The following PPARA variants were observed in gnomAD, a reference collection of about 807,000 sequenced individuals.
PPARA encodes peroxisome proliferator-activated receptor alpha.
In PPARA, 22 loss-of-function variants were observed where a neutral mutation model predicts 42.2. The observed-to-expected ratio is 0.52, with a 90% CI of 0.37 to 0.74. PPARA has a LOEUF of 0.74. Among genes scored for constraint, PPARA ranks in the 30% least tolerant of loss-of-function variants. PPARA has a pLI of 0.00. For missense variants in PPARA, 465 were observed against 608.2 expected (o/e 0.76, Z 2.48); for synonymous variants, 242 against 239.3 (o/e 1.01, Z -0.10).
intron 3 of PPARA, among the ~76,000 whole-genome samples, chr22:46,181,484 T>C (rs535347763): frequency 1.1e-4 from 17 of 152,154 alleles, no homozygotes; most frequent in African/African-American, 4.1e-4. Context: ...TGAGTGTGCA[T>C]CACAAAGGGC....
Position 46,222,923 on chromosome 22 carries a change from G to A in PPARA, c.711+2909G>A, listed in dbSNP as rs1409184636. Among the ~76,000 whole-genome samples the A allele has an allele frequency of 6.6e-6, 1 of 152,198 alleles. No homozygotes were observed. Among genetic ancestry groups the A allele is most frequent in the Non-Finnish European group, 1.5e-5 (1 of 68,038 alleles). On this transcript the variant is annotated intron_variant, in intron 7 of 8. Coordinates refer to ENST00000407236, the MANE Select transcript of PPARA (RefSeq NM_005036.6). The surrounding 1 kb of genome is among the most constrained non-coding windows in gnomAD (Gnocchi z 5.9). ...GCCTGTGGTCCCAGGTACTTGGGAA[G>A]CTGAGATGGGAGGATGGCTTGAGCC...
At chr22:46,214,186 T>G (rs1345156304) in intron 4 of PPARA, among the ~76,000 whole-genome samples, 3 of 152,178 alleles carry the variant, frequency 2.0e-5, no homozygotes, top group African/African-American at 7.2e-5. Context: ...CGTGGCACTG[T>G]CAGTGCGGGG....
chr22:46,158,618 A>G (rs867580394), intron 2 of PPARA, among the ~76,000 whole-genome samples: 47 of 152,374 alleles, frequency 3.1e-4, no homozygotes, highest in Middle Eastern at 6.8e-3. Context: ...CAGATTGCCA[A>G]TCAAGTGACA....
rs1157137072 is a variant in PPARA at position 46,203,671 on chromosome 22, C to A, written c.208+5080C>A. Among the ~76,000 whole-genome samples, 1 of 152,228 alleles carries A rather than the reference C, an allele frequency of 6.6e-6. No homozygotes were observed. The highest frequency in any genetic ancestry group is 1.5e-5 in the Non-Finnish European group (1 of 68,038). ...ACTCTCAGCAAAGCTAGAGGGGATC[C>A]TGCCAATGAGTTCCCAGCTCACAGA... On this transcript the variant is annotated intron_variant, in intron 4 of 8. Coordinates refer to ENST00000407236, the MANE Select transcript of PPARA (RefSeq NM_005036.6). This position sits in a 1 kb window ranked among gnomAD's most constrained non-coding sequence, Gnocchi z 5.8.
rs755215960 is a variant in PPARA at position 46,235,278 on chromosome 22, G to A, written c.1305G>A (p.Gln435=). Residue 435 remains glutamine (Q), a synonymous_variant, in exon 9 of 9, where the codon CAG becomes CAA. Transcript: ENST00000407236. This position sits in a 1 kb window ranked among gnomAD's most constrained non-coding sequence, Gnocchi z 7.0. ...KLLQKMADLR[Q]LVTEHAQLVQ... ...TTCAAAAAATGGCAGACCTCCGGCA[G>A]CTGGTGACGGAGCATGCGCAGCTGG... 1 of 1,613,982 alleles carries A rather than the reference G, an allele frequency of 6.2e-7. No individual in the cohort carries two copies. Among genetic ancestry groups the A allele is most frequent in the African/African-American group, 1.3e-5 (1 of 74,934 alleles).
In PPARA at chr22:46,236,203, C is replaced by T. The variant is rs1165145841; in HGVS notation, c.*823C>T. 8 of 152,508 alleles carry T rather than the reference C, an allele frequency of 5.2e-5. No homozygotes were observed. The South Asian group carries it at 6.2e-4, about 12-fold the overall frequency. 9.4% of individuals were successfully genotyped at this position (152,508 alleles called of 1,614,324 possible). A position where few individuals can be genotyped will look rare whatever the true frequency, so the allele number is the denominator to read the frequency against. On this transcript the variant is annotated 3_prime_UTR_variant, in exon 9 of 9. Transcript: ENST00000407236. This position sits in a 1 kb window ranked among gnomAD's most constrained non-coding sequence, Gnocchi z 5.2. Reference sequence around the variant, plus strand: ...TGGAGGTTGCAGTGAGCTAAGACTGCACCACTGCACTCCAGCCTGGTGACA... The same window carrying T: ...TGGAGGTTGCAGTGAGCTAAGACTGTACCACTGCACTCCAGCCTGGTGACA...
In PPARA at chr22:46,211,390, A is replaced by G. The variant is rs1345416550; in HGVS notation, c.209-3783A>G. On this transcript the variant is annotated intron_variant, in intron 4 of 8. Transcript: ENST00000407236. The surrounding 1 kb of genome is among the most constrained non-coding windows in gnomAD (Gnocchi z 4.1). The stretch of plus-strand genomic sequence containing the variant: ...GTGGGAAAAAAACTCCATCAGCTAG[A>G]GCACAGTGTTTACAGCCAGATCCTT... Among the ~76,000 whole-genome samples, 1 of 152,240 alleles carries G rather than the reference A, an allele frequency of 6.6e-6. No individual in the cohort carries two copies. The highest frequency in any genetic ancestry group is 1.5e-5 in the Non-Finnish European group (1 of 68,046).
chr22:46,229,424 G>A (rs1035211638), intron 7 of PPARA, among the ~76,000 whole-genome samples: 1 of 151,846 alleles, frequency 6.6e-6, no homozygotes, highest in African/African-American at 2.4e-5. Flanking sequence ...GTGGTGATGT[G>A]TGCTTGTAAT....
At chr22:46,215,373 T>C (rs1934381553) in intron 5 of PPARA, 40 bp downstream of exon 5, 1 of 1,612,592 alleles carries the variant, frequency 6.2e-7, no homozygotes, top group Non-Finnish European at 8.5e-7. Context: ...GCCGCCACCA[T>C]CAACTACTTA....
intron 2 of PPARA, among the ~76,000 whole-genome samples, chr22:46,157,841 G>A (rs957472766): frequency 1.2e-4 from 19 of 152,102 alleles, no homozygotes; most frequent in African/African-American, 4.6e-4. Context: ...AGGACTCATC[G>A]GAATGCTTTT....
At position 46,232,667 on chromosome 22, in the gene PPARA, T is replaced by C. The variant is rs898944995; in HGVS notation, c.1159+428T>C. Reference sequence around the variant, plus strand: ...GACCTATTTCTTTAAAAAAAAATTATATATTTTGCACAAATATATATATAG... The same window carrying C: ...GACCTATTTCTTTAAAAAAAAATTACATATTTTGCACAAATATATATATAG... On this transcript the variant is annotated intron_variant, in intron 8 of 8. Transcript: ENST00000407236. This position sits in a 1 kb window ranked among gnomAD's most constrained non-coding sequence, Gnocchi z 5.3. Among the ~76,000 whole-genome samples, 1 of 151,528 alleles carries C rather than the reference T, an allele frequency of 6.6e-6. No individual in the cohort carries two copies. The highest frequency in any genetic ancestry group is 2.4e-5 in the African/African-American group (1 of 41,268).
At position 46,215,169 on chromosome 22, in the gene PPARA, C is replaced by T. The variant is rs768991737; in HGVS notation, c.209-4C>T. ...ATTCATCCGTCTCTCCTCTTTTTCC[C>T]CAGACACGCTTTCACCAGCTTCGAG... is the stretch of plus-strand genomic sequence containing the variant. On this transcript the variant is annotated splice_region_variant and splice_polypyrimidine_tract_variant and intron_variant, in intron 4 of 8. Transcript: ENST00000407236. 6.2e-7 allele frequency: 1 copy of T among 1,613,656 alleles called. No homozygotes were observed. Among genetic ancestry groups the T allele is most frequent in the Admixed American group, 1.7e-5 (1 of 60,002 alleles).
Position 46,188,729 on chromosome 22 carries a change from A to G in PPARA, c.-42-9613A>G, listed in dbSNP as rs1166052203. ...GTTTTCCTTCCCGTGCCAGTGCCACACCCCCCTGTCCCAGTGCACTGGGGC... is the reference window on the plus strand; with the variant it reads ...GTTTTCCTTCCCGTGCCAGTGCCACGCCCCCCTGTCCCAGTGCACTGGGGC... On this transcript the variant is annotated intron_variant, in intron 3 of 8. Transcript: ENST00000407236. This position sits in a 1 kb window ranked among gnomAD's most constrained non-coding sequence, Gnocchi z 5.0. 1 of 151,986 alleles carries G rather than the reference A, an allele frequency of 6.6e-6. No individual in the cohort carries two copies. Among genetic ancestry groups the G allele is most frequent in the African/African-American group, 2.4e-5 (1 of 41,344 alleles). The allele number at this position is 151,986 out of a possible 1,614,324, so 9.4% of individuals were successfully genotyped here. A position where few individuals can be genotyped will look rare whatever the true frequency, so the allele number is the denominator to read the frequency against.
At chr22:46,154,241 T>C (rs1924910916) in intron 2 of PPARA, among the ~76,000 whole-genome samples, 1 of 152,252 alleles carries the variant, frequency 6.6e-6, no homozygotes, top group Non-Finnish European at 1.5e-5. Context: ...AACCTATTTT[T>C]GCCGGGACAT....
rs1260667648 is a variant in PPARA at position 46,235,235 on chromosome 22, T to G, written c.1262T>G (p.Phe421Cys). Residue 421 changes from phenylalanine to cysteine, a missense_variant, in exon 9 of 9, where the codon TTT becomes TGT. By Grantham distance (205) the Phe-to-Cys change is radical. Coordinates refer to ENST00000407236, the MANE Select transcript of PPARA (RefSeq NM_005036.6). This position sits in a 1 kb window ranked among gnomAD's most constrained non-coding sequence, Gnocchi z 7.0. ...HLQSNHPDDIFLFPKLLQKMA... is the reference protein window; with the variant it reads ...HLQSNHPDDICLFPKLLQKMA... ...CAGAGCAACCACCCGGACGATATCT[T>G]TCTCTTCCCAAAACTTCTTCAAAAA... The G allele has an allele frequency of 1.2e-6, 2 of 1,614,096 alleles. No individual in the cohort carries two copies. The highest frequency in any genetic ancestry group is 1.7e-5 in the Admixed American group (1 of 60,018).
rs536900443 is a variant in PPARA, at chr22:46,168,245, G to A, written c.-126-8508G>A. Among the ~76,000 whole-genome samples, 112 of 149,232 alleles carry A rather than the reference G, an allele frequency of 7.5e-4. 1 individual carries two copies. Among genetic ancestry groups the A allele is most frequent in the Non-Finnish European group, 1.2e-3 (82 of 67,178 alleles). ...TAGGCGCCTGTAGTCCTAGCTACTC[G>A]GGAGGCTGAGGCAGGAGAATGGCGT... On this transcript the variant is annotated intron_variant, in intron 2 of 8. Transcript: ENST00000407236.
At chr22:46,220,956 A>G (rs560442559) in intron 7 of PPARA, among the ~76,000 whole-genome samples, 4 of 151,944 alleles carry the variant, frequency 2.6e-5, no homozygotes, top group Admixed American at 2.0e-4. Context: ...AAAAAAATAG[A>G]ATAATAAAAT....
At chr22:46,205,556 T>TATATA (rs1569226317) in intron 4 of PPARA, among the ~76,000 whole-genome samples, 5 of 29,956 alleles carry the variant, frequency 1.7e-4, no homozygotes, top group East Asian at 7.6e-4. Context: ...ATATATATAT[T>TATATA]TTTTTTTTTT....
At chr22:46,157,274 T>C (rs1457584141) in intron 2 of PPARA, among the ~76,000 whole-genome samples, 1 of 152,228 alleles carries the variant, frequency 6.6e-6, no homozygotes, top group Non-Finnish European at 1.5e-5. Context: ...GATGGGCCTG[T>C]GTGGTCACCA....
Sources: gnomAD v4.1 joint callset for allele counts (sites outside exome capture counted in the v4.1 genomes callset) on GRCh38, gnomAD v4.1.1 for gene constraint, Gnocchi (gnomAD v3.1) non-coding constraint, MANE v1.5 for transcripts, NCBI Gene and HGNC (gene_info 2026-07-23, HGNC 2026-07-21) for gene names.